COL4A2: variants seen among roughly 807,000 people sequenced by gnomAD.
The protein encoded by COL4A2 is collagen alpha-2(IV) chain.
Under a neutral mutation model 200.2 loss-of-function variants are expected in COL4A2, and 99 were observed. That is an observed-to-expected ratio of 0.49 (90% CI 0.42 to 0.58). The LOEUF (loss-of-function observed/expected upper bound fraction) is 0.58, where lower values mean the gene tolerates loss of function less well. COL4A2 is among the 20% of genes least tolerant of loss of function. The pLI is 0.00. For synonymous variants in COL4A2, 897 were observed against 900.6 expected (o/e 1.00, Z 0.07); for missense variants, 1,950 against 2,314.1 (o/e 0.84, Z 3.23).
At chr13:110,340,077 A>G (rs1420769103) in intron 3 of COL4A2, among the ~76,000 whole-genome samples, 1 of 152,110 alleles carries the variant, frequency 6.6e-6, no homozygotes, top group Non-Finnish European at 1.5e-5. Flanking sequence ...GAGCCTGAGA[A>G]CCTCTCACCC....
intron 16 of COL4A2, among the ~76,000 whole-genome samples, chr13:110,442,936 G>A (rs61157821): frequency 0.024 from 3,475 of 147,866 alleles, 131 homozygotes; most frequent in African/African-American, 0.081. Flanking sequence ...AACACGCGTC[G>A]TGTTGTGGGA....
intron 16 of COL4A2, among the ~76,000 whole-genome samples, chr13:110,440,567 G>A (rs1881081329): frequency 6.6e-6 from 1 of 152,176 alleles, no homozygotes; most frequent in African/African-American, 2.4e-5. Flanking sequence ...TTGCACTCCA[G>A]CCTGGGCAAC....
At chr13:110,315,259 T>C (rs1419952242) in intron 3 of COL4A2, among the ~76,000 whole-genome samples, 1 of 152,226 alleles carries the variant, frequency 6.6e-6, no homozygotes, top group Non-Finnish European at 1.5e-5. Flanking sequence ...CTGAGGCCCA[T>C]TTCAGGGTCT....
rs555180943 is a variant in COL4A2, at chr13:110,467,300, C to T, written c.2095+204C>T. Among the ~76,000 whole-genome samples the T allele has an allele frequency of 2.0e-5, 3 of 152,354 alleles. No individual in the cohort carries two copies. The South Asian group carries it at 6.2e-4, about 32-fold the overall frequency. ...ATAGAAAAAGGAGTCTGGTAGCTGA[C>T]ACTTAGTTGGGGCCAGGCTAGAAGA... is the stretch of plus-strand genomic sequence containing the variant. On this transcript the variant is annotated intron_variant, in intron 27 of 47. Coordinates refer to ENST00000360467, the MANE Select transcript of COL4A2 (RefSeq NM_001846.4).
At position 110,385,482 on chromosome 13, in the gene COL4A2, T is replaced by C. The variant is rs369570723; in HGVS notation, c.180+27930T>C. On this transcript the variant is annotated intron_variant, in intron 4 of 47. Transcript: ENST00000360467. The stretch of plus-strand genomic sequence containing the variant: ...GTGTGGATAGGCCGTGGTTACAGTG[T>C]GTGGATAGGCCGTGGTTACAGTGTG... Among the ~76,000 whole-genome samples, 62 of 75,678 alleles carry C rather than the reference T, an allele frequency of 8.2e-4. 1 individual carries two copies. The highest frequency in any genetic ancestry group is 1.8e-3 in the South Asian group (4 of 2,180). The allele number at this position is 75,678 out of a possible 152,430, so 49.6% of individuals were successfully genotyped here.
intron 3 of COL4A2, among the ~76,000 whole-genome samples, chr13:110,342,703 A>T (rs568529718): frequency 1.3e-5 from 2 of 152,212 alleles, no homozygotes; most frequent in East Asian, 3.9e-4. Context: ...CCCCCACGAA[A>T]CATGGCCTGG....
intron 40 of COL4A2, among the ~76,000 whole-genome samples, chr13:110,501,106 T>TG (rs972978817): frequency 6.6e-6 from 1 of 152,142 alleles, no homozygotes; most frequent in Non-Finnish European, 1.5e-5. Context: ...AGTGTTGATT[T>TG]GGGGGGGATT....
At chr13:110,409,249 G>A (rs554397075) in intron 4 of COL4A2, among the ~76,000 whole-genome samples, 3 of 152,090 alleles carry the variant, frequency 2.0e-5, no homozygotes, top group Non-Finnish European at 2.9e-5. Flanking sequence ...AGAACATCAC[G>A]GGTGAAGCTT....
At chr13:110,404,011 C>T (rs950628142) in intron 4 of COL4A2, among the ~76,000 whole-genome samples, 1 of 152,142 alleles carries the variant, frequency 6.6e-6, no homozygotes, top group African/African-American at 2.4e-5. Context: ...CCCTGGGCCT[C>T]TTTGAGAGAT....
At chr13:110,422,002 T>A (rs1474406704) in intron 4 of COL4A2, among the ~76,000 whole-genome samples, 1 of 152,214 alleles carries the variant, frequency 6.6e-6, no homozygotes, top group East Asian at 1.9e-4. Context: ...GTTGACTGTA[T>A]GAAATAATCC....
intron 26 of COL4A2, 118 bp from the exon 27 acceptor site, chr13:110,466,922 G>A: frequency 7.9e-7 from 1 of 1,265,658 alleles, no homozygotes; most frequent in Non-Finnish European, 1.1e-6. Flanking sequence ...AAGTTACTCT[G>A]ATCCCAGAAT....
intron 3 of COL4A2, among the ~76,000 whole-genome samples, chr13:110,327,772 G>A (rs1179528703): frequency 4.6e-5 from 7 of 152,126 alleles, no homozygotes; most frequent in Non-Finnish European, 7.4e-5. Flanking sequence ...TTCTGTTTTC[G>A]TCATTAGTTA....
chr13:110,326,862 TCA>T (rs1036533033), intron 3 of COL4A2, among the ~76,000 whole-genome samples: 4 of 152,200 alleles, frequency 2.6e-5, no homozygotes, highest in Admixed American at 6.5e-5. Flanking sequence ...TCAGAGCAGT[TCA>T]CACAGTCTCA....
chr13:110,317,006 A>C (rs1008609557), intron 3 of COL4A2, among the ~76,000 whole-genome samples: 5 of 152,034 alleles, frequency 3.3e-5, no homozygotes, highest in Non-Finnish European at 7.4e-5. Flanking sequence ...CCCTGTACTC[A>C]CACACACACA....
intron 4 of COL4A2, among the ~76,000 whole-genome samples, chr13:110,393,475 C>T (rs1336774952): frequency 6.6e-6 from 1 of 151,464 alleles, no homozygotes; most frequent in Non-Finnish European, 1.5e-5. Context: ...TATTTCAATT[C>T]TTTGTCTGAG....
intron 20 of COL4A2, among the ~76,000 whole-genome samples, chr13:110,453,298 TC>T (rs1881612392): frequency 6.6e-6 from 1 of 151,952 alleles, no homozygotes; most frequent in Admixed American, 6.6e-5. Context: ...GGTCGGGAGT[TC>T]GAGACCAGCC....
chr13:110,356,041 A>G (rs1461215719), intron 3 of COL4A2, among the ~76,000 whole-genome samples: 2 of 152,150 alleles, frequency 1.3e-5, no homozygotes, highest in Non-Finnish European at 2.9e-5. Context: ...CATCATCTCA[A>G]AACGTTTAAT....
chr13:110,424,730 A>C lies in COL4A2; in HGVS notation c.181-4A>C. On this transcript the variant is annotated splice_polypyrimidine_tract_variant and splice_region_variant and intron_variant, in intron 4 of 47. Transcript: ENST00000360467. ...TGGAAATTGAACCTTTGTTGTTCCC[A>C]CAGGGTCAGCCTGGGCCAGTGGGCC... is the stretch of plus-strand genomic sequence containing the variant. The C allele has an allele frequency of 6.3e-7, 1 of 1,593,630 alleles. No individual in the cohort carries two copies. Among genetic ancestry groups the C allele is most frequent in the Non-Finnish European group, 8.6e-7 (1 of 1,167,288 alleles).
chr13:110,453,059 C>T (rs1298012903), intron 20 of COL4A2, among the ~76,000 whole-genome samples: 1 of 152,130 alleles, frequency 6.6e-6, no homozygotes, highest in Non-Finnish European at 1.5e-5. Flanking sequence ...AATCACCACA[C>T]CTGGCCTTTA....
Sources: allele counts gnomAD v4.1 joint callset (sites outside exome capture counted in the v4.1 genomes callset), GRCh38; gene constraint gnomAD v4.1.1; transcripts MANE v1.5; gene names NCBI Gene and HGNC (gene_info 2026-07-23, HGNC 2026-07-21).